The following GALNT17 variants were observed in gnomAD, a reference collection of about 807,000 sequenced individuals.
The protein encoded by GALNT17 is UDP-GalNAc:polypeptide N-acetylgalactosaminyltransferase-like 3.
In GALNT17, 29 loss-of-function variants were observed where a neutral mutation model predicts 63.7. That is an observed-to-expected ratio of 0.46 (90% CI 0.34 to 0.62). GALNT17 has a LOEUF of 0.62. Among genes scored for constraint, GALNT17 ranks in the 20% least tolerant of loss-of-function variants. The pLI is 0.01. For synonymous variants in GALNT17, 305 were observed against 318.3 expected, an observed-to-expected ratio of 0.96 and a Z score of 0.45; for missense variants, 603 against 799.6, an observed-to-expected ratio of 0.75 and a Z score of 2.97.
At chr7:71,613,106 C>T (rs1475924269) in intron 6 of GALNT17, among the ~76,000 whole-genome samples, 2 of 152,184 alleles carry the variant, frequency 1.3e-5, no homozygotes, top group African/African-American at 2.4e-5. Flanking sequence ...AAAGCAATTG[C>T]ATTCCCAGCA....
intron 3 of GALNT17, among the ~76,000 whole-genome samples, chr7:71,391,146 A>G (rs1423251004): frequency 6.6e-6 from 1 of 152,206 alleles, no homozygotes; most frequent in Non-Finnish European, 1.5e-5. Flanking sequence ...TGATGAAGCC[A>G]GGTAGCACTA....
chr7:71,646,747 C>CTT (rs60956531), intron 6 of GALNT17, among the ~76,000 whole-genome samples: 9,215 of 128,028 alleles, frequency 0.072, 943 homozygotes, highest in African/African-American at 0.22. Flanking sequence ...TCCAAGTTTC[C>CTT]TTTTTTTTTT....
intron 1 of GALNT17, among the ~76,000 whole-genome samples, chr7:71,194,585 G>A (rs1464508844): frequency 6.6e-6 from 1 of 152,190 alleles, no homozygotes; most frequent in Non-Finnish European, 1.5e-5. Flanking sequence ...GTGCTGATGA[G>A]TGAGGACATG....
chr7:71,449,868 C>G (rs955643497), intron 5 of GALNT17, among the ~76,000 whole-genome samples: 12 of 151,590 alleles, frequency 7.9e-5, no homozygotes, highest in African/African-American at 2.9e-4. Context: ...ATGGAGAAAC[C>G]CCATCTCTAC....
intron 1 of GALNT17, among the ~76,000 whole-genome samples, chr7:71,143,287 TGGCG>T: frequency 6.6e-6 from 1 of 150,410 alleles, no homozygotes; most frequent in Non-Finnish European, 1.5e-5. Flanking sequence ...CCGGGTGTGG[TGGCG>T]GGCACCCGTC....
At position 71,156,494 on chromosome 7, in the gene GALNT17, C is replaced by T. The variant is rs547593602; in HGVS notation, c.238+23454C>T. On this transcript the variant is annotated intron_variant, in intron 1 of 10. Coordinates refer to ENST00000333538, the MANE Select transcript of GALNT17 (RefSeq NM_022479.3). ...TGATGCCCTGCCCTGCCTTTCCTTT[C>T]CCTTCCTTCAAGCAATACATCTGTA... 2.0e-5 allele frequency among the ~76,000 whole-genome samples: 3 copies of T among 151,836 alleles called. No individual in the cohort carries two copies. The South Asian group carries it at 6.2e-4, about 32-fold the overall frequency.
At chr7:71,237,020 G>C (rs1169615635) in intron 1 of GALNT17, among the ~76,000 whole-genome samples, 1 of 152,100 alleles carries the variant, frequency 6.6e-6, no homozygotes, top group Non-Finnish European at 1.5e-5. Context: ...GAACACCCAG[G>C]GAATCTCGTG....
At chr7:71,541,593 G>T (rs1028778327) in intron 5 of GALNT17, among the ~76,000 whole-genome samples, 2 of 152,004 alleles carry the variant, frequency 1.3e-5, no homozygotes, top group Non-Finnish European at 2.9e-5. Context: ...AAAAGAAACA[G>T]TGATCACTGG....
chr7:71,138,270 C>G (rs1044666943), intron 1 of GALNT17, among the ~76,000 whole-genome samples: 1 of 151,832 alleles, frequency 6.6e-6, no homozygotes, highest in African/African-American at 2.4e-5. Flanking sequence ...CCTAGGAGTT[C>G]GAGGCTACAG....
intron 5 of GALNT17, among the ~76,000 whole-genome samples, chr7:71,447,719 T>C (rs889139585): frequency 1.3e-5 from 2 of 152,238 alleles, no homozygotes; most frequent in Non-Finnish European, 2.9e-5. Flanking sequence ...CCTGCACAGC[T>C]TTTTGTTTTT....
intron 1 of GALNT17, among the ~76,000 whole-genome samples, chr7:71,213,827 A>T (rs12536488): frequency 0.37 from 56,675 of 151,992 alleles, 10,896 homozygotes; most frequent in South Asian, 0.53. Context: ...CTCAATGCCT[A>T]ATGCTTTCTT....
intron 2 of GALNT17, among the ~76,000 whole-genome samples, chr7:71,379,202 G>A (rs1200751492): frequency 1.3e-5 from 2 of 152,056 alleles, no homozygotes; most frequent in African/African-American, 2.4e-5. Context: ...AGGTAGTGTT[G>A]GGCAGATAGA....
At chr7:71,356,134 A>G (rs1792280855) in intron 2 of GALNT17, among the ~76,000 whole-genome samples, 1 of 151,540 alleles carries the variant, frequency 6.6e-6, no homozygotes, top group Non-Finnish European at 1.5e-5. Context: ...CCACCACCAC[A>G]TCAGGCTACT....
intron 3 of GALNT17, among the ~76,000 whole-genome samples, chr7:71,395,945 G>T (rs994937974): frequency 9.2e-5 from 14 of 151,984 alleles, no homozygotes; most frequent in African/African-American, 3.4e-4. Flanking sequence ...TTGATTATTT[G>T]ACTTTTTAAA....
chr7:71,574,661 G>A (rs1210457174), intron 6 of GALNT17, among the ~76,000 whole-genome samples: 1 of 152,160 alleles, frequency 6.6e-6, no homozygotes, highest in Non-Finnish European at 1.5e-5. Context: ...TTTCCAGTCA[G>A]AAGCATTCAC....
chr7:71,549,762 G>A (rs1245716791), intron 5 of GALNT17, among the ~76,000 whole-genome samples: 1 of 151,956 alleles, frequency 6.6e-6, no homozygotes, highest in Non-Finnish European at 1.5e-5. Flanking sequence ...CAAGCCCCTG[G>A]AAGAATTTTG....
intron 6 of GALNT17, among the ~76,000 whole-genome samples, chr7:71,621,091 G>A (rs919208564): frequency 6.6e-6 from 1 of 152,142 alleles, no homozygotes; most frequent in Non-Finnish European, 1.5e-5. Context: ...TTCAAATGCA[G>A]ATATAAGAAA....
At chr7:71,555,940 T>C (rs1429221090) in intron 5 of GALNT17, among the ~76,000 whole-genome samples, 1 of 152,266 alleles carries the variant, frequency 6.6e-6, no homozygotes, top group African/African-American at 2.4e-5. Flanking sequence ...GTCAGGAATC[T>C]ATTTTATAGT....
chr7:71,588,729 G>T (rs1017929441), intron 6 of GALNT17, among the ~76,000 whole-genome samples: 1 of 152,126 alleles, frequency 6.6e-6, no homozygotes, highest in South Asian at 2.1e-4. Context: ...CTGGACTTCT[G>T]CTTAACATGG....
Sources: gnomAD v4.1 joint callset for allele counts (sites outside exome capture counted in the v4.1 genomes callset) on GRCh38, gnomAD v4.1.1 for gene constraint, MANE v1.5 for transcripts, NCBI Gene and HGNC (gene_info 2026-07-23, HGNC 2026-07-21) for gene names.